SLC35D4: variants seen among roughly 807,000 people sequenced by gnomAD.
The protein encoded by SLC35D4 is solute carrier family 35 member D4, also known as UDP-N-acetylglucosamine transporter SLC35D4.
At chr18:23,327,755 A>G in the SLC35D4 span, among the ~76,000 whole-genome samples, 1 of 152,240 alleles carries the variant, frequency 6.6e-6, no homozygotes, top group South Asian at 2.1e-4. Flanking sequence ...CAACAAAAAA[A>G]GAGAATTTTA....
the SLC35D4 span, among the ~76,000 whole-genome samples, chr18:23,318,677 C>T: frequency 1.2e-4 from 19 of 152,076 alleles, no homozygotes; most frequent in Non-Finnish European, 2.5e-4. Context: ...TAATGAGCTT[C>T]CAATGTGATG....
At chr18:23,280,929 CG>C in the SLC35D4 span, among the ~76,000 whole-genome samples, 1 of 152,092 alleles carries the variant, frequency 6.6e-6, no homozygotes, top group Non-Finnish European at 1.5e-5. Flanking sequence ...CCATGCCCTG[CG>C]TGGAGGACTC....
chr18:23,252,922 G>A, the SLC35D4 span: 1 of 1,386,846 alleles, frequency 7.2e-7, no homozygotes, highest in Non-Finnish European at 1.0e-6. Context: ...TACGACCCTT[G>A]TTTTAAGGAG....
chr18:23,312,702 T>C, the SLC35D4 span, among the ~76,000 whole-genome samples: 1 of 152,102 alleles, frequency 6.6e-6, no homozygotes, highest in Non-Finnish European at 1.5e-5. Context: ...GTCCTATTAA[T>C]CAGTGATCTG....
chr18:23,368,482 C>T, the SLC35D4 span, among the ~76,000 whole-genome samples: 3 of 152,176 alleles, frequency 2.0e-5, no homozygotes, highest in Non-Finnish European at 4.4e-5. Flanking sequence ...ACAGATGCCA[C>T]GTCCCGGAGA....
the SLC35D4 span, among the ~76,000 whole-genome samples, chr18:23,403,567 G>C: frequency 2.6e-5 from 4 of 152,210 alleles, no homozygotes; most frequent in African/African-American, 9.7e-5. Flanking sequence ...ACCCAGGGTA[G>C]GGAGCGAATA....
the SLC35D4 span, among the ~76,000 whole-genome samples, chr18:23,382,184 G>T: frequency 1.4e-5 from 2 of 144,910 alleles, no homozygotes; most frequent in Non-Finnish European, 3.0e-5. Context: ...AGGTTACAGT[G>T]AGCCAAGATC....
chr18:23,344,191 C>CT, the SLC35D4 span, among the ~76,000 whole-genome samples: 3 of 152,256 alleles, frequency 2.0e-5, no homozygotes. Flanking sequence ...CAATCTCATT[C>CT]TTTTTTATGG....
chr18:23,257,648 C>T, the SLC35D4 span: 1 of 318,872 alleles, frequency 3.1e-6, no homozygotes. Flanking sequence ...CTAGCTGCCC[C>T]AGCCCAGTCT....
chr18:23,247,095 G>C, the SLC35D4 span, among the ~76,000 whole-genome samples: 1 of 152,250 alleles, frequency 6.6e-6, no homozygotes, highest in East Asian at 1.9e-4. Flanking sequence ...CTGAGGGGCT[G>C]TGGTAATCCC....
At chr18:23,436,604 A>G in the SLC35D4 span, among the ~76,000 whole-genome samples, 42 of 151,922 alleles carry the variant, frequency 2.8e-4, 1 homozygote, top group East Asian at 7.7e-3. Context: ...ACCAGCCTGG[A>G]CAACATGGTG....
the SLC35D4 span, among the ~76,000 whole-genome samples, chr18:23,366,169 G>A: frequency 6.6e-6 from 1 of 152,028 alleles, no homozygotes; most frequent in African/African-American, 2.4e-5. Flanking sequence ...TAACTTTACT[G>A]ATTTTCAATA....
chr18:23,433,686 C>T, the SLC35D4 span, among the ~76,000 whole-genome samples: 3 of 152,128 alleles, frequency 2.0e-5, no homozygotes, highest in East Asian at 1.9e-4. Context: ...TAACAAATAT[C>T]GACCATTCTT....
the SLC35D4 span, among the ~76,000 whole-genome samples, chr18:23,382,823 T>C: frequency 6.6e-6 from 1 of 152,238 alleles, no homozygotes; most frequent in African/African-American, 2.4e-5. Context: ...ATGACAACTG[T>C]CTAAGCCCAG....
At chr18:23,330,305 C>T in the SLC35D4 span, among the ~76,000 whole-genome samples, 5 of 152,140 alleles carry the variant, frequency 3.3e-5, no homozygotes, top group African/African-American at 1.2e-4. Context: ...AGAATATACT[C>T]TAAAATGTCT....
the SLC35D4 span, among the ~76,000 whole-genome samples, chr18:23,312,528 C>T: frequency 6.6e-6 from 1 of 152,158 alleles, no homozygotes; most frequent in Non-Finnish European, 1.5e-5. Flanking sequence ...GACCCTTTAT[C>T]TTATTTCTGT....
chr18:23,251,935 A>T, the SLC35D4 span, among the ~76,000 whole-genome samples: 2 of 151,996 alleles, frequency 1.3e-5, no homozygotes. Context: ...AAAATACAAA[A>T]ATTAGCTGGG....
chr18:23,309,713 A>G, the SLC35D4 span: 7 of 1,614,120 alleles, frequency 4.3e-6, no homozygotes, highest in South Asian at 1.1e-5. Flanking sequence ...GATCGCATCA[A>G]ACAGCAATAT....
At chr18:23,431,212 C>T in the SLC35D4 span, among the ~76,000 whole-genome samples, 1 of 150,364 alleles carries the variant, frequency 6.7e-6, no homozygotes, top group Admixed American at 6.6e-5. Context: ...GAGATTGAGC[C>T]ACTTTTTCCC....
Sources: gnomAD v4.1 joint callset for allele counts (sites outside exome capture counted in the v4.1 genomes callset) on GRCh38, gnomAD v4.1.1 for gene constraint, MANE v1.5 for transcripts, NCBI Gene and HGNC (gene_info 2026-07-23, HGNC 2026-07-21) for gene names.